The following KHDRBS2 variants were observed in gnomAD, a reference collection of about 807,000 sequenced individuals.
KHDRBS2 encodes KH RNA binding domain containing, signal transduction associated 2.
In KHDRBS2, 26 loss-of-function variants were observed where a neutral mutation model predicts 44.3. That is an observed-to-expected ratio of 0.59 (90% confidence interval 0.43 to 0.81). The LOEUF (loss-of-function observed/expected upper bound fraction) is 0.81. Ranked by LOEUF, KHDRBS2 falls within the 40% of genes least tolerant of loss-of-function variation. The pLI, the probability that KHDRBS2 is intolerant of heterozygous loss-of-function variation, is 0.00. For missense variants in KHDRBS2, 476 were observed against 433.1 expected, an observed-to-expected ratio of 1.10 and a Z score of -0.88; for synonymous variants, 194 against 151.1, an observed-to-expected ratio of 1.28 and a Z score of -2.08.
chr6:62,219,207 T>A (rs1325613565), intron 1 of KHDRBS2, among the ~76,000 whole-genome samples: 1 of 147,140 alleles, frequency 6.8e-6, no homozygotes, highest in Non-Finnish European at 1.5e-5. Context: ...CACAGCTAAC[T>A]TGAGAATTAA....
At chr6:62,109,184 G>T (rs956897884) in intron 2 of KHDRBS2, among the ~76,000 whole-genome samples, 1 of 151,278 alleles carries the variant, frequency 6.6e-6, no homozygotes, top group Non-Finnish European at 1.5e-5. Context: ...TTTACAATTT[G>T]AAAAATAGGC....
At chr6:61,912,978 C>A (rs73487393) in intron 4 of KHDRBS2, among the ~76,000 whole-genome samples, 3,346 of 152,202 alleles carry the variant, frequency 0.022, 133 homozygotes, top group African/African-American at 0.077. Context: ...ACTTTAAGAC[C>A]ATTAAGCCAA....
intron 1 of KHDRBS2, among the ~76,000 whole-genome samples, chr6:62,259,890 T>C (rs769469385): frequency 4.6e-5 from 7 of 152,004 alleles, no homozygotes; most frequent in Admixed American, 4.6e-4. Flanking sequence ...ATATGGAAAA[T>C]ATGTTCAAAT....
chr6:61,650,795 G>C, the KHDRBS2 span, among the ~76,000 whole-genome samples: 1 of 152,040 alleles, frequency 6.6e-6, no homozygotes, highest in Admixed American at 6.6e-5. Flanking sequence ...TAAAATAAGA[G>C]TAATTATCAT....
At chr6:62,244,222 T>C (rs972660774) in intron 1 of KHDRBS2, among the ~76,000 whole-genome samples, 2 of 152,176 alleles carry the variant, frequency 1.3e-5, no homozygotes, top group Non-Finnish European at 2.9e-5. Context: ...TAGGTTTTGC[T>C]ATCATAAATA....
rs190969920 is a variant in KHDRBS2, at chr6:61,822,384, T to C, written c.810+72251A>G. Among the ~76,000 whole-genome samples, 521 of 152,134 alleles carry C rather than the reference T, an allele frequency of 3.4e-3. 10 individuals are homozygous for C. The highest frequency in any genetic ancestry group is 0.032 in the Admixed American group (486 of 15,238). On this transcript the variant is annotated intron_variant, in intron 6 of 8. Transcript: ENST00000281156. ...TAATCACTGAGTCCTGTTAACTTTATTCTCTAAATATTTCATGAATCTCTT... is the reference window on the plus strand; with the variant it reads ...TAATCACTGAGTCCTGTTAACTTTACTCTCTAAATATTTCATGAATCTCTT...
At chr6:62,075,872 C>T (rs1796226214) in intron 2 of KHDRBS2, among the ~76,000 whole-genome samples, 1 of 146,390 alleles carries the variant, frequency 6.8e-6, no homozygotes, top group South Asian at 2.2e-4. Flanking sequence ...CTGCTGGTGG[C>T]CTGGCAATCC....
At chr6:61,717,624 G>A (rs370720838) in intron 7 of KHDRBS2, among the ~76,000 whole-genome samples, 2 of 152,030 alleles carry the variant, frequency 1.3e-5, no homozygotes, top group African/African-American at 2.4e-5. Context: ...TAAATGAATA[G>A]GACAAGCTTA....
At chr6:62,281,850 T>C (rs1841853979) in intron 1 of KHDRBS2, among the ~76,000 whole-genome samples, 2 of 152,126 alleles carry the variant, frequency 1.3e-5, no homozygotes, top group Admixed American at 1.3e-4. Flanking sequence ...CAATAATCAC[T>C]CCCAAGTGTT....
At chr6:61,556,489 C>T in the KHDRBS2 span, among the ~76,000 whole-genome samples, 5 of 152,144 alleles carry the variant, frequency 3.3e-5, no homozygotes, top group South Asian at 2.1e-4. Flanking sequence ...TCTAAGTTGT[C>T]TTCTTTGAAG....
In KHDRBS2 at chr6:61,887,467, C is replaced by G. The variant is rs1161100026; in HGVS notation, c.810+7168G>C. 2.0e-5 allele frequency among the ~76,000 whole-genome samples: 3 copies of G among 152,108 alleles called. No individual in the cohort carries two copies. In the East Asian group the frequency reaches 5.8e-4, roughly 29 times the overall value. On this transcript the variant is annotated intron_variant, in intron 6 of 8. Transcript: ENST00000281156. ...AAAAAAGCTTTAAAATATTTAAAGT[C>G]TGGGTTACGATGTGTAACAAACTAA...
At chr6:61,655,156 T>C in the KHDRBS2 span, among the ~76,000 whole-genome samples, 1 of 151,720 alleles carries the variant, frequency 6.6e-6, no homozygotes, top group Non-Finnish European at 1.5e-5. Flanking sequence ...ATCCCAGGAC[T>C]ATCCTGTGGA....
At chr6:62,054,028 T>A (rs982863318) in intron 2 of KHDRBS2, among the ~76,000 whole-genome samples, 4 of 152,082 alleles carry the variant, frequency 2.6e-5, no homozygotes, top group Non-Finnish European at 4.4e-5. Context: ...AGAACATGTA[T>A]AAAATACATT....
chr6:61,584,467 A>G, the KHDRBS2 span, among the ~76,000 whole-genome samples: 6 of 151,888 alleles, frequency 4.0e-5, no homozygotes, highest in Non-Finnish European at 8.9e-5. Flanking sequence ...TTCTTCCTCA[A>G]TCTGCTAAAG....
the KHDRBS2 span, among the ~76,000 whole-genome samples, chr6:61,546,215 A>T: frequency 6.6e-6 from 1 of 151,914 alleles, no homozygotes; most frequent in Non-Finnish European, 1.5e-5. Context: ...TTACATTTCA[A>T]ATTATATATT....
At chr6:61,746,760 C>A (rs1329784681) in intron 6 of KHDRBS2, among the ~76,000 whole-genome samples, 1 of 151,864 alleles carries the variant, frequency 6.6e-6, no homozygotes, top group Non-Finnish European at 1.5e-5. Context: ...TGTAAAACCC[C>A]AAACCATAAA....
chr6:62,015,219 C>G (rs1171909948), intron 3 of KHDRBS2, among the ~76,000 whole-genome samples: 1 of 152,072 alleles, frequency 6.6e-6, no homozygotes, highest in Admixed American at 6.6e-5. Flanking sequence ...ACATAAAGTA[C>G]ATATGACATA....
chr6:62,007,412 T>C (rs1340511518), intron 3 of KHDRBS2, among the ~76,000 whole-genome samples: 2 of 152,014 alleles, frequency 1.3e-5, no homozygotes, highest in Non-Finnish European at 2.9e-5. Flanking sequence ...GTTTTTTTTT[T>C]TCTTTTGTCA....
intron 4 of KHDRBS2, among the ~76,000 whole-genome samples, chr6:61,911,934 T>C (rs1485475221): frequency 1.3e-5 from 2 of 151,902 alleles, no homozygotes; most frequent in East Asian, 3.9e-4. Flanking sequence ...TTTCCGAATA[T>C]TTAATCATAT....
Sources: allele counts gnomAD v4.1 joint callset (sites outside exome capture counted in the v4.1 genomes callset), GRCh38; gene constraint gnomAD v4.1.1; transcripts MANE v1.5; gene names NCBI Gene and HGNC (gene_info 2026-07-23, HGNC 2026-07-21).